The following PDGFB variants were observed in gnomAD, a reference collection of about 807,000 sequenced individuals.
The protein encoded by PDGFB is platelet-derived growth factor subunit B.
In PDGFB, 6 loss-of-function variants were observed where a neutral mutation model predicts 29.0. That is an observed-to-expected ratio of 0.21 (90% confidence interval 0.11 to 0.41). PDGFB has a LOEUF of 0.41. Ranked by LOEUF, PDGFB falls within the 10% of genes least tolerant of loss-of-function variation. PDGFB has a pLI of 1.00. For synonymous variants in PDGFB, 144 were observed against 140.8 expected (o/e 1.02, Z -0.16); for missense variants, 299 against 341.8 (o/e 0.87, Z 0.99).
At position 39,242,222 on chromosome 22, in the gene PDGFB, G is replaced by C. The variant is rs1474194297; in HGVS notation, c.63+1679C>G. ...GCGGGCGCGCGACCTGGCCGCGGTA[G>C]TGCGTGCCCGTCGCTCTGCGCGCCC... is the stretch of plus-strand genomic sequence containing the variant. On this transcript the variant is annotated intron_variant, in intron 1 of 6. Transcript: ENST00000331163. The surrounding 1 kb of genome is among the most constrained non-coding windows in gnomAD (Gnocchi z 5.7). 3 of 213,642 alleles carry C rather than the reference G, an allele frequency of 1.4e-5. No individual in the cohort carries two copies. The highest frequency in any genetic ancestry group is 2.8e-5 in the Non-Finnish European group (3 of 105,594). The allele number at this position is 213,642 out of a possible 1,614,324, so 13.2% of individuals were successfully genotyped here.
chr22:39,228,264 G>A (rs1333135472), intron 5 of PDGFB, among the ~76,000 whole-genome samples: 1 of 152,204 alleles, frequency 6.6e-6, no homozygotes, highest in South Asian at 2.1e-4. Flanking sequence ...AGAAAATTAC[G>A]TCAAACAAAT....
chr22:39,240,058 C>T (rs182839181), intron 1 of PDGFB, among the ~76,000 whole-genome samples: 1 of 152,368 alleles, frequency 6.6e-6, no homozygotes, highest in African/African-American at 2.4e-5. Context: ...CCTCTCGGGG[C>T]AAACCACAGA....
chr22:39,226,983 G>C (rs1051275317), intron 5 of PDGFB, among the ~76,000 whole-genome samples: 6 of 152,196 alleles, frequency 3.9e-5, no homozygotes, highest in African/African-American at 1.2e-4. Flanking sequence ...TTTTAAGATG[G>C]AGGCTCACTC....
Position 39,244,740 on chromosome 22 carries a change from G to C in PDGFB, c.-777C>G, listed in dbSNP as rs947848848. The C allele has an allele frequency of 1.3e-5, 2 of 152,942 alleles. No individual in the cohort carries two copies. The highest frequency in any genetic ancestry group is 9.0e-5 in the African/African-American group (2 of 22,344). 9.5% of individuals were successfully genotyped at this position (152,942 alleles called of 1,614,324 possible). A position where few individuals can be genotyped will look rare whatever the true frequency, so the allele number is the denominator to read the frequency against. ...GTCCTCTGCGGGCTGCGGGCTGCGAGCTGCGAGCTGCGAGCTGCGGCTGCT... is the reference window on the plus strand; with the variant it reads ...GTCCTCTGCGGGCTGCGGGCTGCGACCTGCGAGCTGCGAGCTGCGGCTGCT... On this transcript the variant is annotated 5_prime_UTR_variant, in exon 1 of 7. Transcript: ENST00000331163. The surrounding 1 kb of genome is among the most constrained non-coding windows in gnomAD (Gnocchi z 4.5).
intron 2 of PDGFB, among the ~76,000 whole-genome samples, chr22:39,234,012 CGGAGGGAG>C (rs3043558): frequency 3.5e-5 from 4 of 115,178 alleles, no homozygotes; most frequent in African/African-American, 1.1e-4. Context: ...GCGGGAGCCA[CGGAGGGAG>C]GGAGGGAGGG....
intron 4 of PDGFB, among the ~76,000 whole-genome samples, chr22:39,230,776 C>A (rs538842258): frequency 6.6e-6 from 1 of 152,204 alleles, no homozygotes; most frequent in Non-Finnish European, 1.5e-5. Flanking sequence ...GGAGAGGCCA[C>A]GGGCTGGTGG....
At chr22:39,241,365 C>G (rs1421043877) in intron 1 of PDGFB, among the ~76,000 whole-genome samples, 3 of 152,246 alleles carry the variant, frequency 2.0e-5, no homozygotes, top group African/African-American at 7.2e-5. Context: ...CAGCTCCTTC[C>G]TGGACTGACC....
chr22:39,232,248 T>C (rs1932327127), intron 3 of PDGFB, among the ~76,000 whole-genome samples: 1 of 152,266 alleles, frequency 6.6e-6, no homozygotes, highest in Non-Finnish European at 1.5e-5. Flanking sequence ...TGCACTGCTG[T>C]CTCACGGTGC....
intron 5 of PDGFB, among the ~76,000 whole-genome samples, chr22:39,229,128 G>A (rs1387077225): frequency 6.6e-6 from 1 of 152,100 alleles, no homozygotes; most frequent in Non-Finnish European, 1.5e-5. Context: ...CCTAACAATA[G>A]AAAGTTACTG....
At chr22:39,225,358 G>C (rs1320143175) in intron 6 of PDGFB, 45 bp from the exon 7 acceptor site, 1 of 193,808 alleles carries the variant, frequency 5.2e-6, no homozygotes, top group Non-Finnish European at 1.1e-5. Flanking sequence ...ACAGCCTAGA[G>C]GGTCCATCCC....
At chr22:39,229,946 C>G in intron 5 of PDGFB, 138 bp downstream of exon 5, 3 of 1,053,818 alleles carry the variant, frequency 2.8e-6, no homozygotes, top group Non-Finnish European at 4.1e-6. Flanking sequence ...TGGCTTGTGT[C>G]TCAGCAAGAT....
At chr22:39,238,837 A>C (rs1417918343) in intron 1 of PDGFB, among the ~76,000 whole-genome samples, 2 of 152,392 alleles carry the variant, frequency 1.3e-5, no homozygotes, top group East Asian at 1.9e-4. Context: ...CAATGTATGA[A>C]GGCATCGCTG....
intron 1 of PDGFB, among the ~76,000 whole-genome samples, chr22:39,236,754 A>T (rs1220661070): frequency 6.6e-6 from 1 of 152,230 alleles, no homozygotes; most frequent in Non-Finnish European, 1.5e-5. Flanking sequence ...GCGAGGGCAG[A>T]TGGGAGACTG....
chr22:39,243,218 C>T lies in PDGFB; in HGVS notation c.63+683G>A, dbSNP rs376862386. Among the ~76,000 whole-genome samples the T allele has an allele frequency of 6.6e-6, 1 of 151,812 alleles. No homozygotes were observed. Among genetic ancestry groups the T allele is most frequent in the Admixed American group, 6.6e-5 (1 of 15,246 alleles). On this transcript the variant is annotated intron_variant, in intron 1 of 6. Coordinates refer to ENST00000331163, the MANE Select transcript of PDGFB (RefSeq NM_002608.4). This position sits in a 1 kb window ranked among gnomAD's most constrained non-coding sequence, Gnocchi z 6.4. ...GCCCGAAACCTACCTGCGTCTCTAT[C>T]TTTCTCTCCCTCTCTCTCTCCGTCT...
In PDGFB at chr22:39,224,190, C is replaced by T. The variant is rs569842306; in HGVS notation, c.*1152G>A. 13 of 152,370 alleles carry T rather than the reference C, an allele frequency of 8.5e-5. No homozygotes were observed. The highest frequency in any genetic ancestry group is 3.1e-4 in the African/African-American group (13 of 41,574). The allele number at this position is 152,370 out of a possible 1,614,324, so 9.4% of individuals were successfully genotyped here. On this transcript the variant is annotated 3_prime_UTR_variant, in exon 7 of 7. Transcript: ENST00000331163. ...GGCCACTCCAAGCCACAGGCTGCAT[C>T]AGGGGCACAGCCAGTCCACAAGGAG...
chr22:39,223,673 C>T lies in PDGFB; in HGVS notation c.*1669G>A, dbSNP rs1335786075. Reference sequence around the variant, plus strand: ...CGCACGATGCCAACAGACAGACCTCCGGCGGATTCATTTGGTTTTGTTTTG... The same window carrying T: ...CGCACGATGCCAACAGACAGACCTCTGGCGGATTCATTTGGTTTTGTTTTG... On this transcript the variant is annotated 3_prime_UTR_variant, in exon 7 of 7. Transcript: ENST00000331163. 2 of 152,772 alleles carry T rather than the reference C, an allele frequency of 1.3e-5. No individual in the cohort carries two copies. Among genetic ancestry groups the T allele is most frequent in the Non-Finnish European group, 2.9e-5 (2 of 68,046 alleles). 9.5% of individuals were successfully genotyped at this position (152,772 alleles called of 1,614,324 possible).
chr22:39,228,326 T>A (rs1179861897), intron 5 of PDGFB, among the ~76,000 whole-genome samples: 1 of 151,904 alleles, frequency 6.6e-6, no homozygotes, highest in African/African-American at 2.4e-5. Flanking sequence ...GGTGGCTCAA[T>A]GCCTGTAATC....
At chr22:39,240,786 A>G in intron 1 of PDGFB, 5 of 1,549,152 alleles carry the variant, frequency 3.2e-6, no homozygotes, top group Non-Finnish European at 4.5e-6. Flanking sequence ...ACCAGAACAT[A>G]GGAAGAGTTG....
At chr22:39,233,848 C>A (rs889570107) in intron 2 of PDGFB, among the ~76,000 whole-genome samples, 1 of 152,158 alleles carries the variant, frequency 6.6e-6, no homozygotes, top group Admixed American at 6.5e-5. Context: ...AGGGCGGGGC[C>A]GGGACCTAGG....
Sources: allele counts gnomAD v4.1 joint callset (sites outside exome capture counted in the v4.1 genomes callset), GRCh38; gene constraint gnomAD v4.1.1; non-coding constraint Gnocchi (gnomAD v3.1); transcripts MANE v1.5; gene names NCBI Gene and HGNC (gene_info 2026-07-23, HGNC 2026-07-21).